Variants in KLHL2 observed in about 807,000 individuals in gnomAD.
The protein encoded by KLHL2 is kelch-like protein 2.
In KLHL2, 15 loss-of-function variants were observed where a neutral mutation model predicts 75.8. The observed-to-expected ratio is 0.20, with a 90% CI of 0.13 to 0.30. The LOEUF (loss-of-function observed/expected upper bound fraction) is 0.30, where lower values mean the gene tolerates loss of function less well. Among genes scored for constraint, KLHL2 ranks in the 10% least tolerant of loss-of-function variants. KLHL2 has a pLI of 1.00. For synonymous variants in KLHL2, 214 were observed against 251.9 expected (o/e 0.85, Z 1.42); for missense variants, 381 against 741.0 (o/e 0.51, Z 5.64).
intron 5 of KLHL2, among the ~76,000 whole-genome samples, chr4:165,281,503 G>C (rs1048545026): frequency 1.7e-4 from 26 of 152,006 alleles, no homozygotes; most frequent in African/African-American, 6.3e-4. Context: ...TTTTAGTAGA[G>C]ATAGGGGTTC....
At chr4:165,272,846 ATCC>A (rs1742803764) in intron 5 of KLHL2, among the ~76,000 whole-genome samples, 2 of 152,208 alleles carry the variant, frequency 1.3e-5, no homozygotes, top group Non-Finnish European at 2.9e-5. Context: ...AGTTTGTAGA[ATCC>A]TCCTTTGTAA....
At chr4:165,291,630 G>A (rs1744513132) in intron 5 of KLHL2, among the ~76,000 whole-genome samples, 1 of 152,070 alleles carries the variant, frequency 6.6e-6, no homozygotes, top group African/African-American at 2.4e-5. Flanking sequence ...CAGATCAGTT[G>A]CCTGTGTTTT....
At chr4:165,272,644 A>C (rs1742788488) in intron 5 of KLHL2, among the ~76,000 whole-genome samples, 1 of 151,862 alleles carries the variant, frequency 6.6e-6, no homozygotes, top group African/African-American at 2.4e-5. Context: ...AATGCACAGG[A>C]TATCCAAACA....
intron 4 of KLHL2, among the ~76,000 whole-genome samples, chr4:165,254,971 T>C (rs1741049143): frequency 6.6e-6 from 1 of 152,256 alleles, no homozygotes; most frequent in Admixed American, 6.5e-5. Context: ...TCAGAGCTGA[T>C]GTGCTACATG....
intron 8 of KLHL2, among the ~76,000 whole-genome samples, chr4:165,299,917 C>T (rs1745222851): frequency 6.6e-6 from 1 of 152,034 alleles, no homozygotes; most frequent in African/African-American, 2.4e-5. Context: ...TGGTTTTTGT[C>T]CCCTCTGAGT....
chr4:165,321,663 A>G (rs1437901863), intron 14 of KLHL2, among the ~76,000 whole-genome samples: 1 of 152,178 alleles, frequency 6.6e-6, no homozygotes, highest in Non-Finnish European at 1.5e-5. Context: ...TTTAAACTAT[A>G]TAATTTTATT....
At chr4:165,276,435 C>T (rs561312755) in intron 5 of KLHL2, among the ~76,000 whole-genome samples, 5 of 152,272 alleles carry the variant, frequency 3.3e-5, no homozygotes, top group South Asian at 4.1e-4. Flanking sequence ...GAAGGGATCA[C>T]TCCCCACAGC....
chr4:165,211,798 G>T (rs941589607), intron 1 of KLHL2, among the ~76,000 whole-genome samples: 24 of 152,204 alleles, frequency 1.6e-4, no homozygotes, highest in Non-Finnish European at 1.8e-4. Flanking sequence ...TAGCATTTAT[G>T]TAGTAGTTTA....
At chr4:165,225,200 G>C (rs1198998315) in intron 2 of KLHL2, among the ~76,000 whole-genome samples, 1 of 152,054 alleles carries the variant, frequency 6.6e-6, no homozygotes, top group African/African-American at 2.4e-5. Flanking sequence ...TTTCCCTTTA[G>C]ATTTGAGCTT....
intron 13 of KLHL2, among the ~76,000 whole-genome samples, chr4:165,316,924 T>C (rs781507087): frequency 2.0e-5 from 3 of 152,160 alleles, no homozygotes; most frequent in Non-Finnish European, 2.9e-5. Flanking sequence ...TGTCTGAGTA[T>C]ATATGCATGG....
At chr4:165,223,986 C>T (rs1374456926) in intron 2 of KLHL2, 3 of 446,626 alleles carry the variant, frequency 6.7e-6, no homozygotes, top group Non-Finnish European at 1.3e-5. Flanking sequence ...GTGATCTCAG[C>T]TCACTGCAAC....
chr4:165,299,474 C>T lies in KLHL2; in HGVS notation c.772-33C>T, dbSNP rs769809043. ...GCAATTTAATTATGAAATAGCCCTA[C>T]CCTCAGTGGGTGTGTCTGATTTCTT... On this transcript the variant is annotated intron_variant, in intron 7 of 14. Coordinates refer to ENST00000226725, the MANE Select transcript of KLHL2 (RefSeq NM_007246.4). The T allele has an allele frequency of 8.3e-6, 13 of 1,563,696 alleles. No homozygotes were observed. The African/African-American group carries it at 1.6e-4, about 20-fold the overall frequency.
In KLHL2 at chr4:165,299,445, T is replaced by A. The variant is rs1211237109; in HGVS notation, c.772-62T>A. On this transcript the variant is annotated intron_variant, in intron 7 of 14. Coordinates refer to ENST00000226725, the MANE Select transcript of KLHL2 (RefSeq NM_007246.4). ...TTTTCCTCTCCTTTACTTCTTTTTC[T>A]TTGGCAATTTAATTATGAAATAGCC... 7 of 1,442,258 alleles carry A rather than the reference T, an allele frequency of 4.9e-6. No homozygotes were observed. In the Admixed American group the frequency reaches 1.7e-4, roughly 35 times the overall value. The allele number at this position is 1,442,258 out of a possible 1,614,324, so 89.3% of individuals were successfully genotyped here.
chr4:165,256,899 C>G (rs1390917902), intron 4 of KLHL2, among the ~76,000 whole-genome samples: 4 of 152,102 alleles, frequency 2.6e-5, no homozygotes, highest in Admixed American at 1.3e-4. Context: ...CTTTTAGAAA[C>G]TAGCTTTTTA....
At chr4:165,247,039 G>A (rs1579034429) in intron 4 of KLHL2, among the ~76,000 whole-genome samples, 1 of 152,204 alleles carries the variant, frequency 6.6e-6, no homozygotes, top group Non-Finnish European at 1.5e-5. Context: ...AGAAGAAGGT[G>A]CTTCAAGGAG....
At chr4:165,293,763 G>A (rs542037949) in intron 5 of KLHL2, among the ~76,000 whole-genome samples, 9 of 148,702 alleles carry the variant, frequency 6.1e-5, no homozygotes, top group East Asian at 4.0e-4. Flanking sequence ...TGATCCGCCC[G>A]CCTCTGCCTC....
At chr4:165,287,469 T>C (rs146036609) in intron 5 of KLHL2, among the ~76,000 whole-genome samples, 1 of 152,236 alleles carries the variant, frequency 6.6e-6, no homozygotes, top group Non-Finnish European at 1.5e-5. Context: ...TGTACAAATA[T>C]GTCTTCAAGA....
intron 4 of KLHL2, among the ~76,000 whole-genome samples, chr4:165,244,584 C>T (rs1240230857): frequency 6.6e-6 from 1 of 152,142 alleles, no homozygotes; most frequent in African/African-American, 2.4e-5. Context: ...ATCAGTTAAA[C>T]AGTCATTGAT....
intron 3 of KLHL2, among the ~76,000 whole-genome samples, chr4:165,233,509 A>G (rs1389878541): frequency 3.3e-5 from 5 of 152,154 alleles, no homozygotes; most frequent in Non-Finnish European, 7.4e-5. Flanking sequence ...AGTAAAATAA[A>G]TTAGAATAGG....
Sources: allele counts gnomAD v4.1 joint callset (sites outside exome capture counted in the v4.1 genomes callset), GRCh38; gene constraint gnomAD v4.1.1; transcripts MANE v1.5; gene names NCBI Gene and HGNC (gene_info 2026-07-23, HGNC 2026-07-21).